MYO1D: variants seen among roughly 807,000 people sequenced by gnomAD.
MYO1D encodes unconventional myosin-Id.
In MYO1D, 83 loss-of-function variants were observed where a neutral mutation model predicts 122.0. The ratio of observed to expected loss-of-function variants is 0.68; its 90% CI spans 0.57 to 0.82. The LOEUF (loss-of-function observed/expected upper bound fraction) is 0.82. Among genes scored for constraint, MYO1D ranks in the 40% least tolerant of loss-of-function variants. The probability of loss-of-function intolerance (pLI) is 0.00; values close to 1 mark genes in which losing one functional copy is unlikely to be tolerated. For synonymous variants in MYO1D, 464 were observed against 446.9 expected (o/e 1.04, Z -0.48); for missense variants, 1,157 against 1,269.5 (o/e 0.91, Z 1.35).
At chr17:32,737,982 T>A (rs910151581) in intron 14 of MYO1D, among the ~76,000 whole-genome samples, 37 of 152,344 alleles carry the variant, frequency 2.4e-4, no homozygotes, top group African/African-American at 8.4e-4. Context: ...GTGCCTTATA[T>A]ATTTTTCAAA....
At chr17:32,734,103 T>C (rs1165672638) in intron 14 of MYO1D, among the ~76,000 whole-genome samples, 1 of 152,248 alleles carries the variant, frequency 6.6e-6, no homozygotes, top group East Asian at 1.9e-4. Context: ...AAAGGTTTTA[T>C]AAAACTGATT....
intron 1 of MYO1D, among the ~76,000 whole-genome samples, chr17:32,857,308 G>A (rs1432942437): frequency 2.0e-5 from 3 of 152,096 alleles, no homozygotes; most frequent in Non-Finnish European, 2.9e-5. Flanking sequence ...TCCTTTGGCC[G>A]GGCACGGTGG....
At chr17:32,738,497 C>A in intron 13 of MYO1D, 112 bp from the exon 14 acceptor site, 1 of 1,144,006 alleles carries the variant, frequency 8.7e-7, no homozygotes, top group Admixed American at 3.7e-5. Context: ...ACTACAGATT[C>A]AACTCACAAG....
intron 16 of MYO1D, among the ~76,000 whole-genome samples, chr17:32,704,899 TATAAA>T (rs1408625341): frequency 6.6e-6 from 1 of 152,190 alleles, no homozygotes; most frequent in African/African-American, 2.4e-5. Flanking sequence ...TTGCATTTAA[TATAAA>T]ATAACATATT....
At chr17:32,633,911 T>C (rs1397189955) in intron 20 of MYO1D, among the ~76,000 whole-genome samples, 1 of 152,184 alleles carries the variant, frequency 6.6e-6, no homozygotes, top group Non-Finnish European at 1.5e-5. Context: ...TTTTTTCCCT[T>C]ATCACCTTCT....
At chr17:32,622,959 T>C (rs1007665745) in intron 20 of MYO1D, among the ~76,000 whole-genome samples, 1 of 152,222 alleles carries the variant, frequency 6.6e-6, no homozygotes, top group African/African-American at 2.4e-5. Flanking sequence ...GGTGTGATTT[T>C]TCTTTTGTCC....
At chr17:32,871,355 AGTCTAAAAT>A (rs2091178216) in intron 1 of MYO1D, among the ~76,000 whole-genome samples, 1 of 152,176 alleles carries the variant, frequency 6.6e-6, no homozygotes, top group Admixed American at 6.5e-5. Flanking sequence ...CCTACAACAA[AGTCTAAAAT>A]GTCTAAAATG....
Position 32,876,876 on chromosome 17 carries a change from G to T in MYO1D, c.-4C>A. On this transcript the variant is annotated 5_prime_UTR_variant, in exon 1 of 22. Transcript: ENST00000318217. Reference sequence around the variant, plus strand: ...CCAGGCTCTCCTGCTCCGCCATGGCGCCAGCGCGGGGGCTCAGGTGGGCGC... The same window carrying T: ...CCAGGCTCTCCTGCTCCGCCATGGCTCCAGCGCGGGGGCTCAGGTGGGCGC... 2 of 1,478,196 alleles carry T rather than the reference G, an allele frequency of 1.4e-6. No homozygotes were observed. The highest frequency in any genetic ancestry group is 1.8e-6 in the Non-Finnish European group (2 of 1,108,058). 91.6% of individuals were successfully genotyped at this position (1,478,196 alleles called of 1,614,324 possible).
intron 16 of MYO1D, among the ~76,000 whole-genome samples, chr17:32,691,025 G>C (rs2089090199): frequency 6.6e-6 from 1 of 151,956 alleles, no homozygotes; most frequent in Admixed American, 6.6e-5. Context: ...ACTTTGGGAG[G>C]CTGAGGTAGG....
chr17:32,839,278 A>C (rs1417210859), intron 1 of MYO1D, among the ~76,000 whole-genome samples: 1 of 152,228 alleles, frequency 6.6e-6, no homozygotes, highest in African/African-American at 2.4e-5. Context: ...CTTGGTCCCA[A>C]GGAAGAAAGA....
intron 1 of MYO1D, among the ~76,000 whole-genome samples, chr17:32,837,849 T>G (rs932084844): frequency 2.0e-5 from 3 of 152,236 alleles, no homozygotes; most frequent in Non-Finnish European, 2.9e-5. Flanking sequence ...AAATCGAAAT[T>G]ACTTTTGTTT....
At chr17:32,762,620 TCC>T (rs991726795) in intron 8 of MYO1D, among the ~76,000 whole-genome samples, 8 of 152,132 alleles carry the variant, frequency 5.3e-5, no homozygotes, top group Non-Finnish European at 8.8e-5. Flanking sequence ...ATGCCTGTAA[TCC>T]CAACACTCTG....
intron 1 of MYO1D, among the ~76,000 whole-genome samples, chr17:32,851,983 C>G (rs2090993649): frequency 6.6e-6 from 1 of 152,306 alleles, no homozygotes; most frequent in South Asian, 2.1e-4. Context: ...TCTAGAAATT[C>G]TCTCCTCTGT....
intron 19 of MYO1D, among the ~76,000 whole-genome samples, chr17:32,651,279 C>T (rs1288179692): frequency 6.6e-6 from 1 of 152,152 alleles, no homozygotes; most frequent in Non-Finnish European, 1.5e-5. Flanking sequence ...TGCTGTTTCC[C>T]AGCCTTGAGT....
At chr17:32,521,906 A>G (rs971688920) in intron 21 of MYO1D, among the ~76,000 whole-genome samples, 1 of 151,794 alleles carries the variant, frequency 6.6e-6, no homozygotes, top group African/African-American at 2.4e-5. Context: ...AGATGGTGAA[A>G]CCCTGTCTCT....
intron 1 of MYO1D, among the ~76,000 whole-genome samples, chr17:32,787,791 T>C (rs1598099535): frequency 6.6e-6 from 1 of 152,320 alleles, no homozygotes; most frequent in Admixed American, 6.5e-5. Context: ...TATATCATTC[T>C]TGTGCCTTTG....
In MYO1D at chr17:32,721,181, A is replaced by C. The variant is rs770482711; in HGVS notation, c.1755T>G (p.Tyr585Ter). 2 of 1,613,336 alleles carry C rather than the reference A, an allele frequency of 1.2e-6. No individual in the cohort carries two copies. Among genetic ancestry groups the C allele is most frequent in the South Asian group, 2.2e-5 (2 of 90,820 alleles). The change falls in exon 15 of 22, where the codon TAT becomes TAG. Residue 585 changes from tyrosine to a stop codon, truncating the protein, a stop_gained. Coordinates refer to ENST00000318217, the MANE Select transcript of MYO1D (RefSeq NM_015194.3). LOFTEE classifies it high-confidence loss of function. ...LVDNLASKEP[Y>*]YVRCIKPNDK... is the part of the protein sequence containing the mutation. ...CATTGGGTTTGATGCAACGAACGTA[A>C]TATGGTTCCTAAAGAAATAAATCAG...
intron 16 of MYO1D, among the ~76,000 whole-genome samples, chr17:32,679,529 T>C (rs2150965774): frequency 6.6e-6 from 1 of 152,226 alleles, no homozygotes; most frequent in South Asian, 2.1e-4. Context: ...CCTTTCCCCA[T>C]TGCTTGTTTT....
At chr17:32,807,416 C>T (rs1049474424) in intron 1 of MYO1D, among the ~76,000 whole-genome samples, 51 of 152,166 alleles carry the variant, frequency 3.4e-4, no homozygotes, top group African/African-American at 8.7e-4. Context: ...CTGTATCTTA[C>T]GTGTCATATT....
Sources: gnomAD v4.1 joint callset for allele counts (sites outside exome capture counted in the v4.1 genomes callset) on GRCh38, gnomAD v4.1.1 for gene constraint, MANE v1.5 for transcripts, NCBI Gene and HGNC (gene_info 2026-07-23, HGNC 2026-07-21) for gene names.